RBFOX1: variants seen among roughly 807,000 people sequenced by gnomAD.
The protein encoded by RBFOX1 is RNA binding protein fox-1 homolog 1.
Under a neutral mutation model 57.7 loss-of-function variants are expected in RBFOX1, and 8 were observed. The ratio of observed to expected loss-of-function variants is 0.14; its 90% CI spans 0.08 to 0.25. The LOEUF (loss-of-function observed/expected upper bound fraction) is 0.25, where lower values mean the gene tolerates loss of function less well. Ranked by LOEUF, RBFOX1 falls within the 10% of genes least tolerant of loss-of-function variation. The probability of loss-of-function intolerance (pLI) is 1.00; values close to 1 mark genes in which losing one functional copy is unlikely to be tolerated. For missense variants in RBFOX1, 611 were observed against 548.5 expected, an observed-to-expected ratio of 1.11 and a Z score of -1.14; for synonymous variants, 326 against 222.4, an observed-to-expected ratio of 1.47 and a Z score of -4.15.
chr16:5,853,969 A>G (rs543778462), intron 3 of RBFOX1, among the ~76,000 whole-genome samples: 76 of 152,328 alleles, frequency 5.0e-4, no homozygotes, highest in African/African-American at 1.8e-3. Flanking sequence ...TTTTAATTAC[A>G]AACTAATCCC....
chr16:7,516,750 C>T (rs978353910), intron 4 of RBFOX1, among the ~76,000 whole-genome samples: 1 of 152,144 alleles, frequency 6.6e-6, no homozygotes, highest in African/African-American at 2.4e-5. Flanking sequence ...AAGCTTAGTT[C>T]TCTTCCAAGT....
intron 4 of RBFOX1, among the ~76,000 whole-genome samples, chr16:7,073,775 ATTGT>A (rs1399367886): frequency 6.6e-6 from 1 of 152,042 alleles, no homozygotes; most frequent in Middle Eastern, 3.2e-3. Flanking sequence ...AGGCAGGAGG[ATTGT>A]TTGAGCCCAA....
At chr16:7,136,769 G>A (rs535875202) in intron 4 of RBFOX1, among the ~76,000 whole-genome samples, 4 of 152,258 alleles carry the variant, frequency 2.6e-5, no homozygotes, top group South Asian at 4.1e-4. Flanking sequence ...GTCATCAGGT[G>A]GATAGTGGTT....
At chr16:5,962,970 C>G (rs1029003421) in intron 4 of RBFOX1, among the ~76,000 whole-genome samples, 1 of 151,970 alleles carries the variant, frequency 6.6e-6, no homozygotes. Context: ...AAGTAATTGC[C>G]TCCACTCTGG....
chr16:7,678,646 G>A (rs546101259), intron 14 of RBFOX1, among the ~76,000 whole-genome samples: 2 of 152,116 alleles, frequency 1.3e-5, no homozygotes, highest in African/African-American at 4.8e-5. Flanking sequence ...ACAAAGATAT[G>A]ATTTAAATGG....
chr16:7,546,014 TAAAAAA>T (rs71150312), intron 5 of RBFOX1, among the ~76,000 whole-genome samples: 2 of 134,152 alleles, frequency 1.5e-5, no homozygotes, highest in African/African-American at 2.9e-5. Flanking sequence ...TCTGAGCTTA[TAAAAAA>T]AAAAAAAAAA....
chr16:7,084,998 G>T (rs144149718), intron 4 of RBFOX1, among the ~76,000 whole-genome samples: 1 of 151,978 alleles, frequency 6.6e-6, no homozygotes, highest in Non-Finnish European at 1.5e-5. Context: ...ATCCATCCAT[G>T]CATCCCACTA....
chr16:6,935,984 C>CA (rs2077304023), intron 3 of RBFOX1, among the ~76,000 whole-genome samples: 1 of 152,160 alleles, frequency 6.6e-6, no homozygotes, highest in African/African-American at 2.4e-5. Flanking sequence ...GCAGTGATTG[C>CA]ATATCTGGGG....
At chr16:6,661,499 C>A (rs989603243) in intron 3 of RBFOX1, among the ~76,000 whole-genome samples, 44 of 152,174 alleles carry the variant, frequency 2.9e-4, no homozygotes, top group African/African-American at 1.0e-3. Context: ...CTGTGTCAAT[C>A]CTCTGTCCCC....
At chr16:7,367,114 C>T (rs1386090694) in intron 4 of RBFOX1, among the ~76,000 whole-genome samples, 2 of 151,798 alleles carry the variant, frequency 1.3e-5, no homozygotes, top group African/African-American at 2.4e-5. Flanking sequence ...GAAATACTGC[C>T]GGTGAGCCCA....
intron 2 of RBFOX1, among the ~76,000 whole-genome samples, chr16:6,598,613 A>G (rs895813533): frequency 6.6e-6 from 1 of 151,850 alleles, no homozygotes; most frequent in Non-Finnish European, 1.5e-5. Context: ...TATACATATG[A>G]TAAACAGTAT....
intron 3 of RBFOX1, among the ~76,000 whole-genome samples, chr16:6,763,695 A>G (rs992986464): frequency 1.3e-5 from 2 of 152,152 alleles, no homozygotes; most frequent in African/African-American, 4.8e-5. Context: ...TTACGTTTTT[A>G]TTAGAATGTT....
At chr16:6,331,951 C>T (rs942024413) in intron 2 of RBFOX1, among the ~76,000 whole-genome samples, 1 of 152,114 alleles carries the variant, frequency 6.6e-6, no homozygotes, top group Non-Finnish European at 1.5e-5. Flanking sequence ...GCATGAGAGG[C>T]TGACATTCTT....
At chr16:6,669,050 C>A (rs1031930543) in intron 3 of RBFOX1, among the ~76,000 whole-genome samples, 1 of 152,216 alleles carries the variant, frequency 6.6e-6, no homozygotes, top group African/African-American at 2.4e-5. Flanking sequence ...GGTGACTTCA[C>A]ACTTTAGATA....
chr16:5,921,153 G>C lies in RBFOX1; in HGVS notation c.351+53818G>C, dbSNP rs117612025. ...TATCATGCTAGGCACCCCAGAGAAT[G>C]CTAAGGCCATAGAAAGCAGTGGAAT... On this transcript the variant is annotated intron_variant, in intron 4 of 19. Coordinates refer to the RBFOX1 transcript ENST00000641259. Among the ~76,000 whole-genome samples the C allele has an allele frequency of 8.3e-3, 1,266 of 152,318 alleles. 11 individuals carry two copies. The highest frequency in any genetic ancestry group is 0.02 in the Middle Eastern group (6 of 294).
At chr16:6,867,953 A>G (rs1356477742) in intron 3 of RBFOX1, among the ~76,000 whole-genome samples, 1 of 152,170 alleles carries the variant, frequency 6.6e-6, no homozygotes, top group African/African-American at 2.4e-5. Context: ...TATGGCTCAG[A>G]CAAATTGGCA....
At chr16:5,820,312 G>C (rs2055798178) in intron 3 of RBFOX1, among the ~76,000 whole-genome samples, 1 of 152,180 alleles carries the variant, frequency 6.6e-6, no homozygotes, top group African/African-American at 2.4e-5. Context: ...ATAGGGCACA[G>C]AGACGTTTGC....
intron 2 of RBFOX1, among the ~76,000 whole-genome samples, chr16:6,323,229 A>T (rs1220133296): frequency 6.6e-6 from 1 of 152,194 alleles, no homozygotes; most frequent in Non-Finnish European, 1.5e-5. Context: ...AGTTACAAGG[A>T]AGGTGTGTAA....
intron 3 of RBFOX1, among the ~76,000 whole-genome samples, chr16:5,852,741 G>T (rs921654471): frequency 2.0e-5 from 3 of 152,104 alleles, no homozygotes; most frequent in Non-Finnish European, 1.5e-5. Context: ...GAGGCGGGAG[G>T]ATCACTTGAG....
Sources: allele counts gnomAD v4.1 joint callset (sites outside exome capture counted in the v4.1 genomes callset), GRCh38; gene constraint gnomAD v4.1.1; transcripts MANE v1.5; gene names NCBI Gene and HGNC (gene_info 2026-07-23, HGNC 2026-07-21).